Variants in DLGAP1 observed in about 807,000 individuals in gnomAD.
DLGAP1 encodes DLG associated protein 1.
Under a neutral mutation model 90.8 loss-of-function variants are expected in DLGAP1, and 11 were observed. The ratio of observed to expected loss-of-function variants is 0.12; its 90% CI spans 0.08 to 0.20. DLGAP1 has a LOEUF of 0.20. DLGAP1 is among the 10% of genes least tolerant of loss of function. The pLI is 1.00. For synonymous variants in DLGAP1, 558 were observed against 540.7 expected, an observed-to-expected ratio of 1.03 and a Z score of -0.44; for missense variants, 1,050 against 1,333.8, an observed-to-expected ratio of 0.79 and a Z score of 3.31.
intron 1 of DLGAP1, among the ~76,000 whole-genome samples, chr18:4,427,884 T>C (rs2083191222): frequency 6.6e-6 from 1 of 152,210 alleles, no homozygotes; most frequent in Admixed American, 6.5e-5. Context: ...AGTGACCTCA[T>C]TGTGTCAATG....
intron 7 of DLGAP1, among the ~76,000 whole-genome samples, chr18:3,632,747 GA>G (rs567276223): frequency 0.011 from 1,720 of 152,216 alleles, 12 homozygotes; most frequent in Non-Finnish European, 0.018. Context: ...ATGTGGCCTA[GA>G]AAAAGTCTTT....
At chr18:4,137,131 A>G (rs971519463) in intron 2 of DLGAP1, among the ~76,000 whole-genome samples, 1 of 151,708 alleles carries the variant, frequency 6.6e-6, no homozygotes, top group African/African-American at 2.4e-5. Flanking sequence ...ATTCCCACCT[A>G]TGAGTGAGAA....
At chr18:4,428,034 C>T (rs1305700932) in intron 1 of DLGAP1, among the ~76,000 whole-genome samples, 6 of 152,160 alleles carry the variant, frequency 3.9e-5, no homozygotes, top group African/African-American at 1.4e-4. Context: ...TGGATCTTTA[C>T]CAAAAGATGT....
rs183415020 is a variant in DLGAP1, at chr18:4,078,378, C to T, written c.-159+72802G>A. ...ACATTTATATTTAAATAGAAATCAC[C>T]GAATAGATGGCCAAGTGTAAGACAA... On this transcript the variant is annotated intron_variant, in intron 2 of 12. Coordinates refer to ENST00000315677, the MANE Select transcript of DLGAP1 (RefSeq NM_004746.4). Among the ~76,000 whole-genome samples the T allele has an allele frequency of 2.1e-3, 325 of 152,138 alleles. 2 individuals are homozygous for T. The highest frequency in any genetic ancestry group is 7.5e-3 in the African/African-American group (310 of 41,508).
At chr18:3,643,331 C>A (rs1318826154) in intron 7 of DLGAP1, among the ~76,000 whole-genome samples, 2 of 151,856 alleles carry the variant, frequency 1.3e-5, no homozygotes, top group East Asian at 3.9e-4. Flanking sequence ...TATATAACTC[C>A]AACAACTCAG....
chr18:4,122,914 C>T (rs2076176103), intron 2 of DLGAP1, among the ~76,000 whole-genome samples: 1 of 152,224 alleles, frequency 6.6e-6, no homozygotes, highest in African/African-American at 2.4e-5. Flanking sequence ...ATATAACTAC[C>T]CAGGTTCATC....
intron 5 of DLGAP1, among the ~76,000 whole-genome samples, chr18:3,801,381 T>C (rs990118106): frequency 1.3e-5 from 2 of 152,240 alleles, no homozygotes; most frequent in Non-Finnish European, 2.9e-5. Flanking sequence ...GCTTCTACCA[T>C]TCTTTCCCTG....
intron 1 of DLGAP1, among the ~76,000 whole-genome samples, chr18:4,222,958 A>G (rs2078108817): frequency 6.6e-6 from 1 of 152,138 alleles, no homozygotes. Context: ...TGATAAACAC[A>G]TATTAAAGAT....
At chr18:3,924,189 TC>T (rs1400510641) in intron 3 of DLGAP1, among the ~76,000 whole-genome samples, 1 of 152,188 alleles carries the variant, frequency 6.6e-6, no homozygotes, top group Non-Finnish European at 1.5e-5. Flanking sequence ...ATTAGCTACA[TC>T]GCCATAGAAT....
intron 3 of DLGAP1, among the ~76,000 whole-genome samples, chr18:3,960,121 C>A (rs1346391064): frequency 6.6e-6 from 1 of 152,322 alleles, no homozygotes; most frequent in East Asian, 1.9e-4. Context: ...ACAGCACTCC[C>A]TTGAAAACTC....
At chr18:4,212,786 C>T (rs1466827123) in intron 1 of DLGAP1, among the ~76,000 whole-genome samples, 1 of 151,854 alleles carries the variant, frequency 6.6e-6, no homozygotes, top group African/African-American at 2.4e-5. Context: ...TAAATTTTTA[C>T]ACAGTATAAA....
At chr18:4,110,483 T>C (rs1283959927) in intron 2 of DLGAP1, among the ~76,000 whole-genome samples, 1 of 152,182 alleles carries the variant, frequency 6.6e-6, no homozygotes, top group Non-Finnish European at 1.5e-5. Context: ...TAACAAATCA[T>C]AATTAGGAAA....
At chr18:3,899,015 T>C (rs957512803) in intron 3 of DLGAP1, among the ~76,000 whole-genome samples, 1 of 152,150 alleles carries the variant, frequency 6.6e-6, no homozygotes, top group Non-Finnish European at 1.5e-5. Flanking sequence ...GCTTTCAATT[T>C]CCGTATGGCC....
chr18:3,554,387 G>C (rs1206249330), intron 9 of DLGAP1, among the ~76,000 whole-genome samples: 1 of 152,208 alleles, frequency 6.6e-6, no homozygotes, highest in Non-Finnish European at 1.5e-5. Context: ...GGGGAAAACA[G>C]CTAATGTTTG....
intron 7 of DLGAP1, among the ~76,000 whole-genome samples, chr18:3,620,754 C>T (rs777693924): frequency 2.1e-4 from 32 of 152,064 alleles, no homozygotes; most frequent in Non-Finnish European, 4.0e-4. Context: ...GACGGGGTTT[C>T]ACCACGTTGG....
intron 1 of DLGAP1, among the ~76,000 whole-genome samples, chr18:4,444,558 G>C (rs1026370296): frequency 2.1e-4 from 32 of 152,154 alleles, no homozygotes; most frequent in African/African-American, 7.7e-4. Context: ...GTAAATATCA[G>C]CTATTCTTAA....
chr18:3,628,181 CTATATTCTTT>C (rs2058378351), intron 7 of DLGAP1, among the ~76,000 whole-genome samples: 1 of 142,540 alleles, frequency 7.0e-6, no homozygotes, highest in African/African-American at 2.7e-5. Flanking sequence ...TGGCCTTGTG[CTATATTCTTT>C]TTTTTTTTTT....
intron 7 of DLGAP1, 148 bp from the exon 8 acceptor site, chr18:3,582,396 C>A: frequency 2.3e-6 from 3 of 1,297,842 alleles, no homozygotes; most frequent in East Asian, 2.5e-5. Flanking sequence ...GCTGAGACCC[C>A]TGCTCTCCGG....
chr18:4,268,020 G>C (rs2079169284), intron 1 of DLGAP1, among the ~76,000 whole-genome samples: 1 of 152,202 alleles, frequency 6.6e-6, no homozygotes, highest in Non-Finnish European at 1.5e-5. Flanking sequence ...ACAAAGGTGT[G>C]AATACCAACC....
Sources: gnomAD v4.1 joint callset for allele counts (sites outside exome capture counted in the v4.1 genomes callset) on GRCh38, gnomAD v4.1.1 for gene constraint, MANE v1.5 for transcripts, NCBI Gene and HGNC (gene_info 2026-07-23, HGNC 2026-07-21) for gene names.